Variants in MYO18B observed in about 807,000 individuals in gnomAD.
MYO18B encodes myosin XVIIIB, also known as unconventional myosin-XVIIIb.
In MYO18B, 204 loss-of-function variants were observed where a neutral mutation model predicts 273.0. The observed-to-expected ratio is 0.75, with a 90% CI of 0.67 to 0.84. The LOEUF is 0.84. Ranked by LOEUF, MYO18B falls within the 40% of genes least tolerant of loss-of-function variation. MYO18B has a pLI of 0.00. For missense variants in MYO18B, 3,212 were observed against 3,287.6 expected (o/e 0.98, Z 0.56); for synonymous variants, 1,330 against 1,305.7 (o/e 1.02, Z -0.40).
rs117432424 is a variant in MYO18B, at chr22:25,833,211, T to G, written c.3060+214T>G. ...CTGAACAGTGGAAATTTAAGCATCA[T>G]CAGGTTGAGAACTGCTGCTGTCCTT... On this transcript the variant is annotated intron_variant, in intron 16 of 43. Coordinates refer to ENST00000335473, the MANE Select transcript of MYO18B (RefSeq NM_032608.7). Among the ~76,000 whole-genome samples the G allele has an allele frequency of 2.4e-3, 358 of 152,316 alleles. 9 individuals carry two copies. In the East Asian group the frequency reaches 0.052, roughly 22 times the overall value.
chr22:25,932,667 C>T (rs553906198), intron 34 of MYO18B, among the ~76,000 whole-genome samples: 79 of 152,274 alleles, frequency 5.2e-4, no homozygotes, highest in African/African-American at 1.8e-3. Flanking sequence ...ACCTCGGCCT[C>T]CCAAAGTGCT....
intron 39 of MYO18B, among the ~76,000 whole-genome samples, chr22:25,979,107 C>T (rs6004859): frequency 6.6e-6 from 1 of 152,130 alleles, no homozygotes; most frequent in East Asian, 1.9e-4. Flanking sequence ...TCCCACGCTA[C>T]ACTTCTTTGG....
At chr22:26,059,223 G>A in the MYO18B span, among the ~76,000 whole-genome samples, 1 of 152,152 alleles carries the variant, frequency 6.6e-6, no homozygotes, top group African/African-American at 2.4e-5. Context: ...ACAAGTCTAT[G>A]TCATCTTGCT....
chr22:25,779,085 T>C (rs1049945413), intron 8 of MYO18B, among the ~76,000 whole-genome samples: 4 of 152,200 alleles, frequency 2.6e-5, no homozygotes, highest in African/African-American at 9.6e-5. Context: ...AGATAAGCTA[T>C]ATATTCCTTT....
intron 14 of MYO18B, 41 bp from the exon 15 acceptor site, chr22:25,828,735 C>CA: frequency 6.3e-7 from 1 of 1,579,530 alleles, no homozygotes; most frequent in Non-Finnish European, 8.6e-7. Flanking sequence ...TCCTAGATTC[C>CA]ATGCCATCTC....
At chr22:25,785,512 G>C in intron 11 of MYO18B, 21 bp downstream of exon 11, 1 of 1,608,522 alleles carries the variant, frequency 6.2e-7, no homozygotes, top group Non-Finnish European at 8.5e-7. Context: ...GGTCCCTCAC[G>C]GGTGGGATGT....
At chr22:26,053,452 C>T in the MYO18B span, among the ~76,000 whole-genome samples, 2 of 152,222 alleles carry the variant, frequency 1.3e-5, no homozygotes, top group Non-Finnish European at 2.9e-5. Flanking sequence ...CTGGAACTTA[C>T]ACCCATGTCT....
intron 12 of MYO18B, among the ~76,000 whole-genome samples, chr22:25,803,761 G>A (rs565743357): frequency 4.0e-4 from 61 of 152,260 alleles, no homozygotes; most frequent in African/African-American, 1.3e-3. Flanking sequence ...GATGTTCATA[G>A]GAAGCCATTA....
intron 12 of MYO18B, among the ~76,000 whole-genome samples, chr22:25,803,825 C>T (rs1377407609): frequency 6.6e-6 from 1 of 152,192 alleles, no homozygotes; most frequent in East Asian, 1.9e-4. Context: ...CCTGCAGATC[C>T]CATGGTAGAC....
chr22:25,959,205 TG>T (rs1407351917), intron 39 of MYO18B: 1 of 151,636 alleles, frequency 6.6e-6, no homozygotes, highest in Non-Finnish European at 1.5e-5. Flanking sequence ...CTCTCTCCCA[TG>T]CCCACTGTCA....
At chr22:25,796,593 CTAAAAAAAAAAA>C (rs910803449) in intron 11 of MYO18B, among the ~76,000 whole-genome samples, 7 of 55,180 alleles carry the variant, frequency 1.3e-4, no homozygotes, top group African/African-American at 6.3e-4. Context: ...GAGACCCTGT[CTAAAAAAAAAAA>C]AAAAAAAAAA....
intron 39 of MYO18B, among the ~76,000 whole-genome samples, chr22:25,980,124 C>A (rs1193838299): frequency 1.3e-5 from 2 of 152,152 alleles, no homozygotes; most frequent in Non-Finnish European, 2.9e-5. Flanking sequence ...ACTGAGCAAT[C>A]TTTACCAGGT....
At chr22:26,046,571 C>A in the MYO18B span, among the ~76,000 whole-genome samples, 1 of 152,224 alleles carries the variant, frequency 6.6e-6, no homozygotes, top group Non-Finnish European at 1.5e-5. Context: ...CCCACCACTG[C>A]CACTCTTGTT....
At chr22:25,796,406 G>A (rs1026142589) in intron 11 of MYO18B, among the ~76,000 whole-genome samples, 8 of 151,910 alleles carry the variant, frequency 5.3e-5, no homozygotes, top group Non-Finnish European at 1.2e-4. Flanking sequence ...GCAACATAGC[G>A]AGACCCCATC....
chr22:25,919,636 C>T (rs1159194110), intron 33 of MYO18B, among the ~76,000 whole-genome samples: 1 of 151,850 alleles, frequency 6.6e-6, no homozygotes, highest in Non-Finnish European at 1.5e-5. Context: ...GGCACAATGC[C>T]CAGCCCTTAA....
chr22:25,849,293 A>G (rs892735269), intron 20 of MYO18B, among the ~76,000 whole-genome samples: 1 of 152,166 alleles, frequency 6.6e-6, no homozygotes, highest in Non-Finnish European at 1.5e-5. Context: ...GAGCTTTCCA[A>G]CTAAGCGAAG....
chr22:26,059,421 G>A, the MYO18B span, among the ~76,000 whole-genome samples: 1 of 152,324 alleles, frequency 6.6e-6, no homozygotes, highest in Non-Finnish European at 1.5e-5. Flanking sequence ...GCAAATGCCA[G>A]GATAAGCATT....
chr22:26,028,995 T>A (rs1436681553), intron 43 of MYO18B, among the ~76,000 whole-genome samples: 1 of 151,932 alleles, frequency 6.6e-6, no homozygotes, highest in Non-Finnish European at 1.5e-5. Context: ...CAGTGGTGAA[T>A]GTTATTTATT....
chr22:25,744,131 T>A (rs570916724), intron 1 of MYO18B, among the ~76,000 whole-genome samples: 1 of 152,340 alleles, frequency 6.6e-6, no homozygotes, highest in South Asian at 2.1e-4. Context: ...GGAATTTCCA[T>A]GTTTCACAAA....
Sources: gnomAD v4.1 joint callset for allele counts (sites outside exome capture counted in the v4.1 genomes callset) on GRCh38, gnomAD v4.1.1 for gene constraint, MANE v1.5 for transcripts, NCBI Gene and HGNC (gene_info 2026-07-23, HGNC 2026-07-21) for gene names.